The following PPP2R2A variants were observed in gnomAD, a reference collection of about 807,000 sequenced individuals.
PPP2R2A encodes serine/threonine-protein phosphatase 2A 55 kDa regulatory subunit B alpha isoform.
In PPP2R2A, 9 loss-of-function variants were observed where a neutral mutation model predicts 53.2. That is an observed-to-expected ratio of 0.17 (90% CI 0.10 to 0.30). The LOEUF (loss-of-function observed/expected upper bound fraction) is 0.30, where lower values mean the gene tolerates loss of function less well. Among genes scored for constraint, PPP2R2A ranks in the 10% least tolerant of loss-of-function variants. The pLI is 1.00. For synonymous variants in PPP2R2A, 169 were observed against 174.2 expected (o/e 0.97, Z 0.23); for missense variants, 235 against 534.6 (o/e 0.44, Z 5.53).
At chr8:26,347,338 G>C (rs946776966) in intron 3 of PPP2R2A, among the ~76,000 whole-genome samples, 1 of 151,910 alleles carries the variant, frequency 6.6e-6, no homozygotes, top group African/African-American at 2.4e-5. Flanking sequence ...GATAGAACTG[G>C]GGAAGAGCGC....
intron 3 of PPP2R2A, among the ~76,000 whole-genome samples, chr8:26,345,335 C>A (rs1804156041): frequency 6.6e-6 from 1 of 152,080 alleles, no homozygotes; most frequent in South Asian, 2.1e-4. Flanking sequence ...TCATTGTATT[C>A]TTATTATTAA....
intron 2 of PPP2R2A, among the ~76,000 whole-genome samples, chr8:26,318,518 A>G (rs994552316): frequency 6.6e-6 from 1 of 152,314 alleles, no homozygotes; most frequent in South Asian, 2.1e-4. Flanking sequence ...ATAATTGTGG[A>G]AGCTCTGTGA....
At chr8:26,348,850 G>A (rs1436868654) in intron 3 of PPP2R2A, among the ~76,000 whole-genome samples, 1 of 152,204 alleles carries the variant, frequency 6.6e-6, no homozygotes, top group Non-Finnish European at 1.5e-5. Flanking sequence ...AGACCTGTGT[G>A]TGTGTATGTA....
chr8:26,293,186 T>A, intron 1 of PPP2R2A: 2 of 1,507,584 alleles, frequency 1.3e-6, no homozygotes, highest in Non-Finnish European at 1.8e-6. Context: ...GTGTAGTGTT[T>A]GCTGTGTGTG....
At chr8:26,320,118 G>C (rs1183898141) in intron 2 of PPP2R2A, among the ~76,000 whole-genome samples, 3 of 152,142 alleles carry the variant, frequency 2.0e-5, no homozygotes, top group African/African-American at 7.2e-5. Flanking sequence ...GATCAGGTTT[G>C]ACCCTTAGGC....
At chr8:26,291,945 G>A in intron 1 of PPP2R2A, 119 bp downstream of exon 1, 2 of 1,448,968 alleles carry the variant, frequency 1.4e-6, no homozygotes, top group South Asian at 1.3e-5. Flanking sequence ...TCGGGTTTGA[G>A]GGAGTAGGGT....
intron 3 of PPP2R2A, among the ~76,000 whole-genome samples, chr8:26,341,776 G>A (rs1350148307): frequency 6.6e-6 from 1 of 152,080 alleles, no homozygotes; most frequent in Non-Finnish European, 1.5e-5. Context: ...GACTTTACTG[G>A]AGACCAAAAT....
At position 26,366,774 on chromosome 8, in the gene PPP2R2A, G is replaced by C. The variant is rs140237326; in HGVS notation, c.1064+368G>C. On this transcript the variant is annotated intron_variant, in intron 9 of 9. Coordinates refer to ENST00000380737, the MANE Select transcript of PPP2R2A (RefSeq NM_002717.4). ...CTCATTTGGATTGTTAGAAACACCA[G>C]GTTTTCCAGATGCTACATTAACACC... Among the ~76,000 whole-genome samples the C allele has an allele frequency of 5.1e-4, 78 of 152,094 alleles. No individual in the cohort carries two copies. In the East Asian group the frequency reaches 0.014, roughly 28 times the overall value.
At chr8:26,308,548 C>CA (rs1802126044) in intron 2 of PPP2R2A, among the ~76,000 whole-genome samples, 2 of 152,226 alleles carry the variant, frequency 1.3e-5, no homozygotes, top group South Asian at 4.1e-4. Flanking sequence ...AACTGCTCAT[C>CA]TATTGATGGT....
chr8:26,332,928 T>G (rs1206717395), intron 2 of PPP2R2A, among the ~76,000 whole-genome samples: 1 of 152,244 alleles, frequency 6.6e-6, no homozygotes, highest in Non-Finnish European at 1.5e-5. Context: ...ATATGAGTCC[T>G]GAGTCTGACA....
intron 4 of PPP2R2A, chr8:26,359,023 G>A (rs1461220392): frequency 4.5e-6 from 2 of 448,090 alleles, no homozygotes; most frequent in Non-Finnish European, 9.0e-6. Flanking sequence ...CCAAGTTAAC[G>A]CCACCAGCTG....
intron 4 of PPP2R2A, among the ~76,000 whole-genome samples, chr8:26,355,522 G>C (rs1422870829): frequency 6.6e-6 from 1 of 152,146 alleles, no homozygotes; most frequent in South Asian, 2.1e-4. Context: ...GGGATTACAC[G>C]TGTGAGCCAC....
At chr8:26,291,925 A>T (rs1240644363) in intron 1 of PPP2R2A, 99 bp downstream of exon 1, 3 of 1,145,456 alleles carry the variant, frequency 2.6e-6, no homozygotes, top group Non-Finnish European at 3.5e-6. Flanking sequence ...GCAGAGCCAC[A>T]GGGCGCCCCT....
chr8:26,355,194 A>G (rs17055154), intron 4 of PPP2R2A, among the ~76,000 whole-genome samples: 2,456 of 152,252 alleles, frequency 0.016, 78 homozygotes, highest in Admixed American at 0.077. Context: ...CCATTAGCAT[A>G]TTGCCTTCTT....
intron 2 of PPP2R2A, among the ~76,000 whole-genome samples, chr8:26,331,481 T>C (rs1803374715): frequency 6.6e-6 from 1 of 152,232 alleles, no homozygotes; most frequent in Non-Finnish European, 1.5e-5. Flanking sequence ...TTTTTCTGAA[T>C]GCCTTTGTTT....
chr8:26,332,720 A>T lies in PPP2R2A; in HGVS notation c.83-6170A>T, dbSNP rs1474737088. ...TTCTGAATAAATATTTAAAAGTTGT[A>T]GGGACAGGCAGTAACTGTAATGTGG... On this transcript the variant is annotated intron_variant, in intron 2 of 9. Coordinates refer to ENST00000380737, the MANE Select transcript of PPP2R2A (RefSeq NM_002717.4). Among the ~76,000 whole-genome samples, 5 of 152,226 alleles carry T rather than the reference A, an allele frequency of 3.3e-5. No individual in the cohort carries two copies. The East Asian group carries it at 9.6e-4, about 29-fold the overall frequency.
rs547468962 is a variant in PPP2R2A, at chr8:26,336,726, T to A, written c.83-2164T>A. Among the ~76,000 whole-genome samples, 15 of 152,018 alleles carry A rather than the reference T, an allele frequency of 9.9e-5. No homozygotes were observed. In the South Asian group the frequency reaches 1.7e-3, roughly 17 times the overall value. On this transcript the variant is annotated intron_variant, in intron 2 of 9. Coordinates refer to ENST00000380737, the MANE Select transcript of PPP2R2A (RefSeq NM_002717.4). ...ACCCTGTCTCTACAAAAAAATTTTT[T>A]AAAAATTAGCCAGGTATGGTGGTGC...
intron 8 of PPP2R2A, chr8:26,366,061 T>G: frequency 2.7e-6 from 1 of 368,570 alleles, no homozygotes; most frequent in South Asian, 5.0e-5. Context: ...TTATTCAGGC[T>G]TATAAAGGCT....
chr8:26,318,684 T>A (rs1802685468), intron 2 of PPP2R2A, among the ~76,000 whole-genome samples: 2 of 152,224 alleles, frequency 1.3e-5, no homozygotes, highest in African/African-American at 4.8e-5. Context: ...TCTATATTTA[T>A]GTCTTTTGGC....
Sources: gnomAD v4.1 joint callset for allele counts (sites outside exome capture counted in the v4.1 genomes callset) on GRCh38, gnomAD v4.1.1 for gene constraint, MANE v1.5 for transcripts, NCBI Gene and HGNC (gene_info 2026-07-23, HGNC 2026-07-21) for gene names.